MBOAT1: variants seen among roughly 807,000 people sequenced by gnomAD.
MBOAT1 encodes the protein membrane-bound glycerophospholipid O-acyltransferase 1.
MBOAT1 carries 67 observed loss-of-function variants against 64.4 expected under a neutral mutation model. The ratio of observed to expected loss-of-function variants is 1.04; its 90% CI spans 0.85 to 1.27. The LOEUF is 1.27. Among genes scored for constraint, MBOAT1 ranks in the 50% most tolerant of loss-of-function variants. MBOAT1 has a pLI of 0.00. For missense variants in MBOAT1, 563 were observed against 604.6 expected (o/e 0.93, Z 0.72); for synonymous variants, 229 against 218.9 (o/e 1.05, Z -0.41).
intron 1 of MBOAT1, among the ~76,000 whole-genome samples, chr6:20,187,214 A>G (rs935566580): frequency 1.3e-5 from 2 of 152,234 alleles, no homozygotes; most frequent in Non-Finnish European, 2.9e-5. Context: ...AAGGATGAGT[A>G]AAGTAGCAAG....
chr6:20,146,173 T>C (rs1444710291), intron 3 of MBOAT1, among the ~76,000 whole-genome samples: 1 of 152,184 alleles, frequency 6.6e-6, no homozygotes, highest in Non-Finnish European at 1.5e-5. Flanking sequence ...AACTTTTAAA[T>C]ATATGCCATA....
chr6:20,156,011 G>A (rs1761666346), intron 1 of MBOAT1, among the ~76,000 whole-genome samples: 1 of 152,160 alleles, frequency 6.6e-6, no homozygotes, highest in Admixed American at 6.5e-5. Context: ...GCTCACGCCT[G>A]TAATCCCAGC....
chr6:20,102,281 A>G lies in MBOAT1; in HGVS notation c.*5T>C. On this transcript the variant is annotated 3_prime_UTR_variant, in exon 13 of 13. Transcript: ENST00000324607. ...GTTTTGCTTGTTCCGCTTCTCTTGGAGGTATCAATCTGTTTTTCTCTTATT... is the reference window on the plus strand; with the variant it reads ...GTTTTGCTTGTTCCGCTTCTCTTGGGGGTATCAATCTGTTTTTCTCTTATT... 1 of 1,612,452 alleles carries G rather than the reference A, an allele frequency of 6.2e-7. No individual in the cohort carries two copies. The highest frequency in any genetic ancestry group is 1.1e-5 in the South Asian group (1 of 90,598).
intron 10 of MBOAT1, among the ~76,000 whole-genome samples, chr6:20,114,443 C>A (rs1055105045): frequency 2.6e-5 from 4 of 152,132 alleles, no homozygotes; most frequent in African/African-American, 9.7e-5. Flanking sequence ...ATTTTAAAAG[C>A]ATAAACATCT....
intron 3 of MBOAT1, among the ~76,000 whole-genome samples, chr6:20,149,026 G>A (rs372023335): frequency 3.6e-4 from 54 of 151,548 alleles, no homozygotes; most frequent in South Asian, 8.4e-4. Flanking sequence ...ACTTGAACCC[G>A]GGAGGTGGAG....
At chr6:20,147,301 G>A (rs1388507183) in intron 3 of MBOAT1, among the ~76,000 whole-genome samples, 1 of 152,232 alleles carries the variant, frequency 6.6e-6, no homozygotes, top group African/African-American at 2.4e-5. Flanking sequence ...CATGGTGGGA[G>A]AAGTTGGTGA....
At chr6:20,211,133 A>T (rs930189800) in intron 1 of MBOAT1, among the ~76,000 whole-genome samples, 2 of 152,148 alleles carry the variant, frequency 1.3e-5, no homozygotes, top group African/African-American at 2.4e-5. Flanking sequence ...TGGCTCAGTA[A>T]ACAGGACCCG....
At position 20,132,038 on chromosome 6, in the gene MBOAT1, G is replaced by A. The variant is rs1160820500; in HGVS notation, c.420-839C>T. On this transcript the variant is annotated intron_variant, in intron 4 of 12. Coordinates refer to ENST00000324607, the MANE Select transcript of MBOAT1 (RefSeq NM_001080480.3). ...GTTGGGATTACAGGTATATACCATC[G>A]CGCCCGGCTAATTTTTGTATTTTTT... is the stretch of plus-strand genomic sequence containing the variant. 4.0e-5 allele frequency among the ~76,000 whole-genome samples: 6 copies of A among 150,290 alleles called. No homozygotes were observed. The South Asian group carries it at 6.4e-4, about 16-fold the overall frequency.
chr6:20,138,506 C>T (rs1234837754), intron 4 of MBOAT1, among the ~76,000 whole-genome samples: 1 of 152,210 alleles, frequency 6.6e-6, no homozygotes, highest in Admixed American at 6.5e-5. Flanking sequence ...ACCCCCAAAT[C>T]CACGATGTTC....
intron 4 of MBOAT1, among the ~76,000 whole-genome samples, chr6:20,139,754 T>G (rs921393730): frequency 6.6e-6 from 1 of 151,508 alleles, no homozygotes; most frequent in Non-Finnish European, 1.5e-5. Context: ...GGGGTCTCAC[T>G]ATGTTGCCCA....
intron 3 of MBOAT1, among the ~76,000 whole-genome samples, chr6:20,147,780 C>T (rs1761370059): frequency 6.6e-6 from 1 of 152,068 alleles, no homozygotes; most frequent in Non-Finnish European, 1.5e-5. Context: ...AAACTATATT[C>T]CATAGTGTTG....
chr6:20,163,155 G>T (rs1322952618), intron 1 of MBOAT1, among the ~76,000 whole-genome samples: 1 of 152,124 alleles, frequency 6.6e-6, no homozygotes, highest in Admixed American at 6.5e-5. Context: ...GTACATAGGT[G>T]ATATCTACGT....
intron 10 of MBOAT1, 133 bp from the exon 11 acceptor site, chr6:20,113,141 G>C (rs763269035): frequency 5.6e-5 from 62 of 1,116,730 alleles, no homozygotes; most frequent in Non-Finnish European, 6.8e-5. Flanking sequence ...AACCGTCTTC[G>C]GGGACTTGCA....
At chr6:20,149,325 C>A (rs1454718767) in intron 3 of MBOAT1, among the ~76,000 whole-genome samples, 5 of 152,060 alleles carry the variant, frequency 3.3e-5, no homozygotes, top group Non-Finnish European at 5.9e-5. Context: ...GTGTGCGTGT[C>A]AAGTTCCTGA....
chr6:20,104,780 G>A (rs1395935906), intron 12 of MBOAT1, among the ~76,000 whole-genome samples: 1 of 152,206 alleles, frequency 6.6e-6, no homozygotes, highest in East Asian at 1.9e-4. Flanking sequence ...CAGGAGGAAT[G>A]CCTCCCTGAC....
chr6:20,169,481 G>A (rs1232798928), intron 1 of MBOAT1, among the ~76,000 whole-genome samples: 1 of 152,028 alleles, frequency 6.6e-6, no homozygotes, highest in Non-Finnish European at 1.5e-5. Context: ...CTGTGATTCT[G>A]CCTGGTCCCT....
chr6:20,115,480 A>C (rs1760292509), intron 9 of MBOAT1, 128 bp from the exon 10 acceptor site: 1 of 719,290 alleles, frequency 1.4e-6, no homozygotes, highest in East Asian at 2.6e-5. Context: ...AGTTGAGAGC[A>C]AGTCAGCTGT....
At chr6:20,141,992 T>A (rs1352816420) in intron 4 of MBOAT1, among the ~76,000 whole-genome samples, 1 of 152,206 alleles carries the variant, frequency 6.6e-6, no homozygotes, top group African/African-American at 2.4e-5. Context: ...CTGCCTAGAA[T>A]GCACAGTGTC....
rs770325403 is a variant in MBOAT1 at position 20,109,735 on chromosome 6, G to A, written c.1224C>T (p.Tyr408=). 9 of 1,613,784 alleles carry A rather than the reference G, an allele frequency of 5.6e-6. No individual in the cohort carries two copies. In the Admixed American group the frequency reaches 1.5e-4, roughly 27 times the overall value. The change falls in exon 12 of 13, where the codon TAC becomes TAT. Residue 408 remains tyrosine, a synonymous_variant. Coordinates refer to ENST00000324607, the MANE Select transcript of MBOAT1 (RefSeq NM_001080480.3). ...TLAARAVRNN[Y]RHYFLSSRAL... ...CTCTTGAAGAAAGGAAGTAATGTCTGTAGTTGTTCCTGACCTGCAGGCCAA... is the reference window on the plus strand; with the variant it reads ...CTCTTGAAGAAAGGAAGTAATGTCTATAGTTGTTCCTGACCTGCAGGCCAA...
Sources: gnomAD v4.1 joint callset for allele counts (sites outside exome capture counted in the v4.1 genomes callset) on GRCh38, gnomAD v4.1.1 for gene constraint, MANE v1.5 for transcripts, NCBI Gene and HGNC (gene_info 2026-07-23, HGNC 2026-07-21) for gene names.